ASMTL: variants seen among roughly 807,000 people sequenced by gnomAD.
ASMTL encodes the protein acetylserotonin O-methyltransferase like.
In ASMTL, 57 loss-of-function variants were observed where a neutral mutation model predicts 60.3. That is an observed-to-expected ratio of 0.95 (90% CI 0.76 to 1.18). The LOEUF (loss-of-function observed/expected upper bound fraction) is 1.18, where lower values mean the gene tolerates loss of function less well. Ranked by LOEUF, ASMTL falls within the 50% of genes most tolerant of loss-of-function variation. ASMTL has a pLI of 0.00. For missense variants in ASMTL, 981 were observed against 852.6 expected, an observed-to-expected ratio of 1.15 and a Z score of -1.88; for synonymous variants, 419 against 373.0, an observed-to-expected ratio of 1.12 and a Z score of -1.42.
At chrX:1,433,779 G>C (rs1330966188) in intron 5 of ASMTL, among the ~76,000 whole-genome samples, 1 of 151,888 alleles carries the variant, frequency 6.6e-6, no homozygotes, top group Non-Finnish European at 1.5e-5. Flanking sequence ...CGGCGGGCAT[G>C]GAGGCTCCAT....
At chrX:1,417,534 CACATGCACACAG>C (rs1340211297) in intron 11 of ASMTL, among the ~76,000 whole-genome samples, 1 of 131,694 alleles carries the variant, frequency 7.6e-6, no homozygotes, top group African/African-American at 2.7e-5. Context: ...CACACACACA[CACATGCACACAG>C]ACACACAAGC....
chrX:1,415,407 C>CTGA (rs778724277), intron 11 of ASMTL, among the ~76,000 whole-genome samples: 1 of 151,978 alleles, frequency 6.6e-6, no homozygotes, highest in African/African-American at 2.4e-5. Flanking sequence ...GCTACTTGCA[C>CTGA]TGATGATAAC....
intron 1 of ASMTL, among the ~76,000 whole-genome samples, chrX:1,451,948 A>G (rs1381668927): frequency 2.0e-5 from 1 of 50,272 alleles, no homozygotes; most frequent in Admixed American, 1.7e-4. Flanking sequence ...CTCCCCAACC[A>G]CATGCCTAGG....
chrX:1,432,254 G>A lies in ASMTL; in HGVS notation c.509+15C>T, dbSNP rs756100295. On this transcript the variant is annotated intron_variant, in intron 6 of 12. Coordinates refer to ENST00000381317, the MANE Select transcript of ASMTL (RefSeq NM_004192.4). ...CACACGTGTCCCCCGTCCCCCCACC[G>A]CCCCCGAGACTCACATGGGCTCCCC... The A allele has an allele frequency of 9.6e-6, 8 of 829,594 alleles. No individual in the cohort carries two copies. Among genetic ancestry groups the A allele is most frequent in the Admixed American group, 2.0e-5 (1 of 50,376 alleles). 51.4% of individuals were successfully genotyped at this position (829,594 alleles called of 1,614,324 possible). A position where few individuals can be genotyped will look rare whatever the true frequency, so the allele number is the denominator to read the frequency against.
intron 1 of ASMTL, among the ~76,000 whole-genome samples, chrX:1,444,366 AC>A (rs2091189715): frequency 6.7e-6 from 1 of 150,360 alleles, no homozygotes; most frequent in South Asian, 2.1e-4. Flanking sequence ...GCGCCACCAC[AC>A]CCGGCTAATT....
chrX:1,433,123 G>C (rs2090854271), intron 5 of ASMTL, among the ~76,000 whole-genome samples: 1 of 151,798 alleles, frequency 6.6e-6, no homozygotes, highest in Admixed American at 6.6e-5. Flanking sequence ...AAAAGAAACA[G>C]ATGTTTGGTC....
At position 1,413,196 on chromosome X, in the gene ASMTL, C is replaced by G. The variant is rs756744158; in HGVS notation, c.1523-342G>C. On this transcript the variant is annotated intron_variant, in intron 11 of 12. Coordinates refer to ENST00000381317, the MANE Select transcript of ASMTL (RefSeq NM_004192.4). ...TGGGCAACACGGCGAAACCCCATCTCTACTAAAAATGCAAATTAGCTGGAC... is the reference window on the plus strand; with the variant it reads ...TGGGCAACACGGCGAAACCCCATCTGTACTAAAAATGCAAATTAGCTGGAC... The G allele has an allele frequency of 4.3e-5, 11 of 257,814 alleles. No individual in the cohort carries two copies. The South Asian group carries it at 8.1e-4, about 19-fold the overall frequency. 16.0% of individuals were successfully genotyped at this position (257,814 alleles called of 1,614,324 possible).
chrX:1,433,404 G>A (rs1231852419), intron 5 of ASMTL, among the ~76,000 whole-genome samples: 46 of 147,990 alleles, frequency 3.1e-4, no homozygotes, highest in Non-Finnish European at 6.2e-4. Flanking sequence ...GGTGGCTCAC[G>A]CCTGTCATCC....
At chrX:1,438,341 T>G (rs2091025573) in intron 3 of ASMTL, among the ~76,000 whole-genome samples, 1 of 150,602 alleles carries the variant, frequency 6.6e-6, no homozygotes, top group Non-Finnish European at 1.5e-5. Context: ...GAAGGCCACA[T>G]GGAGATGGAG....
At position 1,435,680 on chromosome X, in the gene ASMTL, A is replaced by T; in HGVS notation, c.338+14T>A. ...CAGAACCCGAGAGGGCTCAGAGGCCAACATGGTGCTTACCGGGACAGCATC... is the reference window on the plus strand; with the variant it reads ...CAGAACCCGAGAGGGCTCAGAGGCCTACATGGTGCTTACCGGGACAGCATC... On this transcript the variant is annotated intron_variant, in intron 4 of 12. Coordinates refer to ENST00000381317, the MANE Select transcript of ASMTL (RefSeq NM_004192.4). The T allele has an allele frequency of 6.2e-7, 1 of 1,613,450 alleles. No homozygotes were observed. Among genetic ancestry groups the T allele is most frequent in the Non-Finnish European group, 8.5e-7 (1 of 1,179,768 alleles).
Position 1,418,483 on chromosome X carries a change from C to T in ASMTL, c.1379-367G>A, listed in dbSNP as rs766407718. ...CCCAGGGGTGGGGGCTGTACTCCTC[C>T]CTTCTCCTTCCTGCCATGGGGATGC... On this transcript the variant is annotated intron_variant, in intron 10 of 12. Transcript: ENST00000381317. Among the ~76,000 whole-genome samples the T allele has an allele frequency of 3.5e-3, 539 of 152,122 alleles. 4 individuals are homozygous for T. Among genetic ancestry groups the T allele is most frequent in the African/African-American group, 0.013 (519 of 41,474 alleles).
chrX:1,444,270 G>A (rs1266319174), intron 1 of ASMTL, among the ~76,000 whole-genome samples: 1 of 148,204 alleles, frequency 6.7e-6, no homozygotes, highest in East Asian at 2.0e-4. Flanking sequence ...GGGCAGTGAT[G>A]CCATCTCGGC....
upstream of ASMTL, among the ~76,000 whole-genome samples, chrX:1,453,411 C>G (rs1296733815): frequency 4.0e-5 from 6 of 150,638 alleles, no homozygotes; most frequent in Admixed American, 2.0e-4. Flanking sequence ...GCCTCCCGGG[C>G]CCCGTCCCCG....
Position 1,412,643 on chromosome X carries a change from G to A in ASMTL, c.1645+89C>T, listed in dbSNP as rs759351699. The A allele has an allele frequency of 9.8e-5, 154 of 1,575,198 alleles. No homozygotes were observed. In the Admixed American group the frequency reaches 1.4e-3, roughly 14 times the overall value. ...CTCCCAAAGCGCTGGGATGACAGGC[G>A]TGAGCCACCGCGCCCGGCCTCCTTG... On this transcript the variant is annotated intron_variant, in intron 12 of 12. Coordinates refer to ENST00000381317, the MANE Select transcript of ASMTL (RefSeq NM_004192.4).
intron 12 of ASMTL, among the ~76,000 whole-genome samples, chrX:1,411,239 G>GA (rs2090008004): frequency 1.1e-4 from 1 of 8,982 alleles, no homozygotes; most frequent in Non-Finnish European, 3.4e-3. Flanking sequence ...GAGAGACAGA[G>GA]GGAGAGAAGA....
intron 11 of ASMTL, among the ~76,000 whole-genome samples, chrX:1,414,421 A>T (rs2090158791): frequency 6.6e-6 from 1 of 152,122 alleles, no homozygotes; most frequent in Non-Finnish European, 1.5e-5. Context: ...TCATGATTTT[A>T]AACTTTAGCA....
chrX:1,452,455 T>C (rs1379806185), intron 1 of ASMTL, among the ~76,000 whole-genome samples: 14 of 121,626 alleles, frequency 1.2e-4, no homozygotes, highest in South Asian at 2.9e-4. Flanking sequence ...CCCTCCCCAT[T>C]CCTAGGGGTC....
intron 1 of ASMTL, among the ~76,000 whole-genome samples, chrX:1,442,950 TCTCCCCTCTGACC>T: frequency 1.4e-5 from 2 of 146,666 alleles, no homozygotes; most frequent in African/African-American, 5.5e-5. Flanking sequence ...GAACTCCGCA[TCTCCCCTCTGACC>T]ATCTCCCCTC....
At position 1,403,379 on chromosome X, in the gene ASMTL, T is replaced by C; in HGVS notation, c.1756A>G (p.Ser586Gly). Reference protein sequence around the residue: ...MLVQTEGKERSLGEYQCLLEL... With the variant: ...MLVQTEGKERGLGEYQCLLEL... ...AGCAAGCACTGATACTCGCCCAGGC[T>C]CCGCTCCTTGCCTTCAGTCTGCACC... The change falls in exon 13 of 13, where the codon AGC becomes GGC. Residue 586 changes from serine to glycine, a missense_variant. Coordinates refer to ENST00000381317, the MANE Select transcript of ASMTL (RefSeq NM_004192.4). The C allele has an allele frequency of 1.2e-6, 2 of 1,613,428 alleles. No individual in the cohort carries two copies. Among genetic ancestry groups the C allele is most frequent in the Non-Finnish European group, 1.7e-6 (2 of 1,179,862 alleles).
Sources: allele counts gnomAD v4.1 joint callset (sites outside exome capture counted in the v4.1 genomes callset), GRCh38; gene constraint gnomAD v4.1.1; transcripts MANE v1.5; gene names NCBI Gene and HGNC (gene_info 2026-07-23, HGNC 2026-07-21).